The following LUZP2 variants were observed in gnomAD, a reference collection of about 807,000 sequenced individuals.
The protein encoded by LUZP2 is leucine zipper protein 2.
Under a neutral mutation model 51.6 loss-of-function variants are expected in LUZP2, and 52 were observed. That is an observed-to-expected ratio of 1.01 (90% CI 0.81 to 1.27). LUZP2 has a LOEUF of 1.27. LUZP2 is among the 50% of genes most tolerant of loss of function. The pLI is 0.00. For missense variants in LUZP2, 436 were observed against 395.4 expected, an observed-to-expected ratio of 1.10 and a Z score of -0.87; for synonymous variants, 154 against 137.3, an observed-to-expected ratio of 1.12 and a Z score of -0.85.
intron 1 of LUZP2, among the ~76,000 whole-genome samples, chr11:24,580,588 ATCCTTT>A: frequency 6.6e-6 from 1 of 152,032 alleles, no homozygotes; most frequent in African/African-American, 2.4e-5. Context: ...AAAAAGTATA[ATCCTTT>A]CACAAAACAA....
At chr11:24,509,811 T>C (rs892369272) in intron 1 of LUZP2, among the ~76,000 whole-genome samples, 4 of 152,032 alleles carry the variant, frequency 2.6e-5, no homozygotes, top group African/African-American at 9.7e-5. Flanking sequence ...CACTACAGTG[T>C]TTCCTCTATG....
intron 1 of LUZP2, among the ~76,000 whole-genome samples, chr11:24,575,532 G>T (rs1189698097): frequency 6.6e-6 from 1 of 152,120 alleles, no homozygotes; most frequent in Non-Finnish European, 1.5e-5. Context: ...TATGATTCAT[G>T]ATTCCTGTGA....
chr11:24,593,099 C>T (rs1273594126), intron 1 of LUZP2, among the ~76,000 whole-genome samples: 4 of 152,110 alleles, frequency 2.6e-5, no homozygotes, highest in Non-Finnish European at 5.9e-5. Context: ...CACATTAGGC[C>T]TTGAGGAGAG....
chr11:25,038,553 T>A (rs1857934686), intron 9 of LUZP2, among the ~76,000 whole-genome samples: 1 of 152,220 alleles, frequency 6.6e-6, no homozygotes, highest in Admixed American at 6.5e-5. Context: ...TAAATCTTTG[T>A]ACTGAATTGG....
At chr11:25,026,635 A>T (rs915615848) in intron 9 of LUZP2, among the ~76,000 whole-genome samples, 12 of 151,972 alleles carry the variant, frequency 7.9e-5, no homozygotes, top group African/African-American at 2.2e-4. Flanking sequence ...TGCTTTGTTA[A>T]ATTTGGACAA....
chr11:24,883,487 A>G (rs934260823), intron 5 of LUZP2, among the ~76,000 whole-genome samples: 1 of 152,030 alleles, frequency 6.6e-6, no homozygotes, highest in African/African-American at 2.4e-5. Context: ...AATAACCCCC[A>G]AGTATTAAAT....
rs561914588 is a variant in LUZP2 at position 25,056,432 on chromosome 11, C to A, written c.858+6302C>A. ...CTCACCACCCTGACAGCTGATAGGA[C>A]CCCATGCAGTCTCTCAGTAAATAGA... On this transcript the variant is annotated intron_variant, in intron 10 of 11. Transcript: ENST00000336930. Among the ~76,000 whole-genome samples the A allele has an allele frequency of 2.0e-5, 3 of 152,072 alleles. No homozygotes were observed. In the South Asian group the frequency reaches 6.2e-4, roughly 31 times the overall value.
intron 5 of LUZP2, among the ~76,000 whole-genome samples, chr11:24,898,060 A>G (rs1853141281): frequency 6.6e-6 from 1 of 152,170 alleles, no homozygotes; most frequent in African/African-American, 2.4e-5. Context: ...AGTTGAATGG[A>G]TCTAGGAGAT....
intron 9 of LUZP2, among the ~76,000 whole-genome samples, chr11:25,041,863 G>A (rs1858070521): frequency 6.6e-6 from 1 of 152,190 alleles, no homozygotes; most frequent in Admixed American, 6.5e-5. Context: ...TCTGCCTCCT[G>A]TCAGATCAGT....
chr11:24,841,401 G>C (rs1321752428), intron 5 of LUZP2, among the ~76,000 whole-genome samples: 1 of 151,970 alleles, frequency 6.6e-6, no homozygotes, highest in Non-Finnish European at 1.5e-5. Context: ...TACGCCACCT[G>C]GTCTATGGTA....
At chr11:24,924,939 G>A (rs1854182883) in intron 7 of LUZP2, among the ~76,000 whole-genome samples, 1 of 151,982 alleles carries the variant, frequency 6.6e-6, no homozygotes, top group Non-Finnish European at 1.5e-5. Context: ...AGGATTCAGA[G>A]AGAATAGATT....
chr11:24,706,726 C>G (rs1397213536), intron 1 of LUZP2, among the ~76,000 whole-genome samples: 2 of 152,142 alleles, frequency 1.3e-5, no homozygotes, highest in African/African-American at 4.8e-5. Flanking sequence ...TCTTAATCTA[C>G]TGGTAGATAT....
At chr11:24,997,260 C>T (rs4627030) in intron 9 of LUZP2, among the ~76,000 whole-genome samples, 151,737 of 152,054 alleles carry the variant, frequency 1, 75,710 homozygotes, top group Middle Eastern at 1. Context: ...TCCTATTTCT[C>T]CACATCCTCT....
intron 1 of LUZP2, among the ~76,000 whole-genome samples, chr11:24,598,620 C>A (rs1853522386): frequency 6.6e-6 from 1 of 151,994 alleles, no homozygotes; most frequent in Admixed American, 6.6e-5. Flanking sequence ...TTCATATGGT[C>A]CCTGAAAATA....
chr11:24,562,188 AAAAT>A (rs1373591591), intron 1 of LUZP2, among the ~76,000 whole-genome samples: 1 of 152,132 alleles, frequency 6.6e-6, no homozygotes, highest in Non-Finnish European at 1.5e-5. Flanking sequence ...AAAAATATAA[AAAAT>A]AAATATTTTC....
At chr11:25,046,166 A>G (rs1229158758) in intron 9 of LUZP2, among the ~76,000 whole-genome samples, 1 of 151,968 alleles carries the variant, frequency 6.6e-6, no homozygotes, top group East Asian at 1.9e-4. Flanking sequence ...ATTGGTCAGG[A>G]AATTAAATGC....
intron 1 of LUZP2, among the ~76,000 whole-genome samples, chr11:24,551,168 T>C (rs747794910): frequency 6.6e-5 from 10 of 152,054 alleles, no homozygotes; most frequent in Non-Finnish European, 1.3e-4. Flanking sequence ...TAAATAACTT[T>C]TAGATAAAAT....
At chr11:24,528,021 GTCTT>G (rs1166856245) in intron 1 of LUZP2, among the ~76,000 whole-genome samples, 1 of 151,156 alleles carries the variant, frequency 6.6e-6, no homozygotes, top group Non-Finnish European at 1.5e-5. Context: ...CTTTGCAGAG[GTCTT>G]TCTAAGTGAC....
intron 5 of LUZP2, among the ~76,000 whole-genome samples, chr11:24,783,021 C>T (rs1190179129): frequency 6.6e-6 from 1 of 151,942 alleles, no homozygotes; most frequent in Non-Finnish European, 1.5e-5. Context: ...TCAAATTTTC[C>T]TCTCCTTTTC....
Sources: allele counts gnomAD v4.1 joint callset (sites outside exome capture counted in the v4.1 genomes callset), GRCh38; gene constraint gnomAD v4.1.1; transcripts MANE v1.5; gene names NCBI Gene and HGNC (gene_info 2026-07-23, HGNC 2026-07-21).